The following OSMR variants were observed in gnomAD, a reference collection of about 807,000 sequenced individuals.
OSMR encodes the protein oncostatin M receptor, also known as oncostatin-M-specific receptor subunit beta.
OSMR carries 81 observed loss-of-function variants against 99.9 expected under a neutral mutation model. The ratio of observed to expected loss-of-function variants is 0.81; its 90% confidence interval spans 0.68 to 0.97. OSMR has a LOEUF of 0.97. Among genes scored for constraint, OSMR ranks in the 50% least tolerant of loss-of-function variants. The pLI, the probability that OSMR is intolerant of heterozygous loss-of-function variation, is 0.00. For missense variants in OSMR, 1,099 were observed against 1,153.4 expected, an observed-to-expected ratio of 0.95 and a Z score of 0.68; for synonymous variants, 406 against 410.4, an observed-to-expected ratio of 0.99 and a Z score of 0.13.
intron 4 of OSMR, among the ~76,000 whole-genome samples, chr5:38,882,044 TAAGTG>T (rs1436467207): frequency 6.6e-6 from 1 of 152,232 alleles, no homozygotes; most frequent in African/African-American, 2.4e-5. Flanking sequence ...TTATAAATGC[TAAGTG>T]AACAAAGCAA....
At chr5:38,919,775 T>C (rs1746137741) in intron 11 of OSMR, among the ~76,000 whole-genome samples, 1 of 152,198 alleles carries the variant, frequency 6.6e-6, no homozygotes, top group African/African-American at 2.4e-5. Context: ...GCTATTAAAA[T>C]TTCCAGACCC....
intron 1 of OSMR, among the ~76,000 whole-genome samples, chr5:38,858,335 G>A (rs904227321): frequency 1.4e-5 from 2 of 140,418 alleles, no homozygotes; most frequent in African/African-American, 5.3e-5. Flanking sequence ...TTTTTTTTTA[G>A]CTCCCACATA....
chr5:38,901,812 C>G (rs552461247), intron 7 of OSMR, among the ~76,000 whole-genome samples: 18 of 152,276 alleles, frequency 1.2e-4, no homozygotes, highest in African/African-American at 4.1e-4. Flanking sequence ...TCGCAAAGAA[C>G]CTCATTTAAA....
chr5:38,917,593 G>C lies in OSMR; in HGVS notation c.1333G>C (p.Gly445Arg), dbSNP rs1745981711. 1 of 1,613,640 alleles carries C rather than the reference G, an allele frequency of 6.2e-7. No individual in the cohort carries two copies. The highest frequency in any genetic ancestry group is 8.5e-7 in the Non-Finnish European group (1 of 1,179,588). ...CTGGAGAATTGTGAGCTTGGAGCCA[G>C]GAAATCATACTGTGACCTTATTCTG... Reference protein sequence around the residue: ...DVWRIVSLEPGNHTVTLFWKP... With the variant: ...DVWRIVSLEPRNHTVTLFWKP... The change falls in exon 10 of 18, where the codon GGA becomes CGA. Residue 445 changes from glycine to arginine, a missense_variant. Transcript: ENST00000274276.
intron 1 of OSMR, chr5:38,942,171 C>T: frequency 2.1e-6 from 1 of 477,456 alleles, no homozygotes; most frequent in Non-Finnish European, 3.8e-6. Flanking sequence ...GTTCATGTAC[C>T]AGTAACTGCG....
At chr5:38,922,155 T>C (rs1044516517) in intron 12 of OSMR, among the ~76,000 whole-genome samples, 4 of 152,202 alleles carry the variant, frequency 2.6e-5, no homozygotes, top group Non-Finnish European at 5.9e-5. Context: ...ATATAGTTGA[T>C]GAGAATCGAT....
At chr5:38,932,092 C>T in intron 16 of OSMR, 128 bp downstream of exon 16, 1 of 784,586 alleles carries the variant, frequency 1.3e-6, no homozygotes, top group Non-Finnish European at 2.2e-6. Flanking sequence ...ACAAAGGAGG[C>T]TGGGGTGAGA....
At chr5:38,861,846 C>T (rs1209091979) in intron 1 of OSMR, among the ~76,000 whole-genome samples, 1 of 146,738 alleles carries the variant, frequency 6.8e-6, no homozygotes, top group Non-Finnish European at 1.5e-5. Context: ...CCTCACCTCA[C>T]AGACGGGGCG....
At position 38,942,223 on chromosome 5, in the gene OSMR, A is replaced by C. The variant is rs1028816531; in HGVS notation, c.75-1978A>C. 5.1e-6 allele frequency: 4 copies of C among 781,490 alleles called. No individual in the cohort carries two copies. The East Asian group carries it at 1.1e-4, about 21-fold the overall frequency. 48.4% of individuals were successfully genotyped at this position (781,490 alleles called of 1,614,324 possible). ...ATACTCCTGTCTTTGCTGCCTAGTCAGTCGTATTTTCTGAGGCTTTTAGGA... is the reference window on the plus strand; with the variant it reads ...ATACTCCTGTCTTTGCTGCCTAGTCCGTCGTATTTTCTGAGGCTTTTAGGA... On this transcript the variant is annotated intron_variant and NMD_transcript_variant, in intron 1 of 2. Transcript: ENST00000508882.
At chr5:38,937,134 A>C (rs1480209313), downstream of OSMR, among the ~76,000 whole-genome samples, 1 of 152,168 alleles carries the variant, frequency 6.6e-6, no homozygotes, top group Non-Finnish European at 1.5e-5. The surrounding 1 kb of genome is among the most constrained non-coding windows in gnomAD (Gnocchi z 4.0). Flanking sequence ...TCCCAGGTTC[A>C]CACCATTCCC....
chr5:38,919,981 C>A (rs1746151108), intron 11 of OSMR, among the ~76,000 whole-genome samples: 1 of 152,146 alleles, frequency 6.6e-6, no homozygotes, highest in African/African-American at 2.4e-5. Flanking sequence ...TTTAGTGTAA[C>A]CTCTGCTTTC....
chr5:38,938,917 T>C, downstream of OSMR: 1 of 233,102 alleles, frequency 4.3e-6, no homozygotes, highest in Non-Finnish European at 8.5e-6. Flanking sequence ...ATTTTACCTT[T>C]TCTTTTTTCC....
intron 12 of OSMR, among the ~76,000 whole-genome samples, chr5:38,922,079 A>C (rs1413309451): frequency 6.6e-6 from 1 of 152,230 alleles, no homozygotes; most frequent in South Asian, 2.1e-4. Context: ...GGACATTATT[A>C]TAACAGTTGT....
intron 1 of OSMR, among the ~76,000 whole-genome samples, chr5:38,862,760 G>A (rs1385291450): frequency 7.4e-5 from 11 of 148,256 alleles, no homozygotes; most frequent in South Asian, 2.1e-4. Context: ...CCCAGACGGG[G>A]TGGCGGCCGG....
intron 16 of OSMR, 123 bp downstream of exon 16, chr5:38,932,087 G>T (rs1403338530): frequency 3.7e-6 from 3 of 812,436 alleles, no homozygotes; most frequent in Non-Finnish European, 6.2e-6. Flanking sequence ...AAAGAACAAA[G>T]GAGGCTGGGG....
intron 7 of OSMR, among the ~76,000 whole-genome samples, chr5:38,897,777 A>G (rs1744615137): frequency 6.6e-6 from 1 of 151,982 alleles, no homozygotes; most frequent in East Asian, 1.9e-4. Flanking sequence ...CCTTCTTAGT[A>G]CTGCTTTTGC....
At chr5:38,870,585 A>G (rs1208562990) in intron 2 of OSMR, among the ~76,000 whole-genome samples, 1 of 152,222 alleles carries the variant, frequency 6.6e-6, no homozygotes, top group African/African-American at 2.4e-5. Flanking sequence ...TGCAGAGTCC[A>G]ATTAAAATGA....
chr5:38,920,014 A>C (rs867646562), intron 11 of OSMR, among the ~76,000 whole-genome samples: 24 of 152,218 alleles, frequency 1.6e-4, no homozygotes, highest in South Asian at 4.1e-4. Flanking sequence ...TTAGAGAAAG[A>C]AGTTATATTC....
chr5:38,869,157 G>A (rs772015181), intron 2 of OSMR, 40 bp downstream of exon 2: 20 of 1,405,516 alleles, frequency 1.4e-5, no homozygotes, highest in Admixed American at 1.3e-4. Context: ...AAATCACGTC[G>A]GGAACAAATG....
Sources: allele counts gnomAD v4.1 joint callset (sites outside exome capture counted in the v4.1 genomes callset), GRCh38; gene constraint gnomAD v4.1.1; non-coding constraint Gnocchi (gnomAD v3.1); transcripts MANE v1.5; gene names NCBI Gene and HGNC (gene_info 2026-07-23, HGNC 2026-07-21).